NWD2: variants seen among roughly 807,000 people sequenced by gnomAD.
NWD2 encodes the protein NACHT and WD repeat domain-containing protein 2.
In NWD2, 37 loss-of-function variants were observed where a neutral mutation model predicts 132.7. That is an observed-to-expected ratio of 0.28 (90% CI 0.21 to 0.37). The LOEUF (loss-of-function observed/expected upper bound fraction) is 0.37. NWD2 is among the 10% of genes least tolerant of loss of function. The pLI is 1.00. For missense variants in NWD2, 1,592 were observed against 2,122.4 expected (o/e 0.75, Z 4.91); for synonymous variants, 705 against 803.0 (o/e 0.88, Z 2.06).
intron 3 of NWD2, among the ~76,000 whole-genome samples, chr4:37,384,344 C>T (rs900067364): frequency 4.6e-5 from 7 of 152,176 alleles, no homozygotes; most frequent in African/African-American, 1.7e-4. Flanking sequence ...TGCGTTCTTC[C>T]TTCATTCCCT....
intron 1 of NWD2, among the ~76,000 whole-genome samples, chr4:37,253,489 C>A (rs1356840137): frequency 6.6e-6 from 1 of 152,140 alleles, no homozygotes; most frequent in East Asian, 1.9e-4. Context: ...AGCAGATGGG[C>A]AGAGATTGTC....
chr4:37,397,617 T>A (rs956461488), intron 3 of NWD2, among the ~76,000 whole-genome samples: 3 of 152,046 alleles, frequency 2.0e-5, no homozygotes, highest in African/African-American at 7.3e-5. Flanking sequence ...CGTTCTGGAG[T>A]GAAGGTGACT....
chr4:37,365,353 A>C (rs6838315), intron 3 of NWD2, among the ~76,000 whole-genome samples: 3,661 of 152,258 alleles, frequency 0.024, 170 homozygotes, highest in African/African-American at 0.083. Flanking sequence ...TGTATCATTT[A>C]GTTCTAACCT....
chr4:37,301,099 G>A (rs1295441376), intron 1 of NWD2, among the ~76,000 whole-genome samples: 1 of 151,938 alleles, frequency 6.6e-6, no homozygotes, highest in Admixed American at 6.6e-5. Context: ...AATTTTGTTG[G>A]TTATTCCAGA....
At chr4:37,279,527 G>A (rs937817018) in intron 1 of NWD2, among the ~76,000 whole-genome samples, 2 of 152,108 alleles carry the variant, frequency 1.3e-5, no homozygotes, top group Non-Finnish European at 2.9e-5. Flanking sequence ...GCAGTGAAAA[G>A]TACTCAAAAG....
intron 3 of NWD2, among the ~76,000 whole-genome samples, chr4:37,406,121 T>A (rs1720997770): frequency 6.6e-6 from 1 of 152,198 alleles, no homozygotes; most frequent in African/African-American, 2.4e-5. Context: ...TTGGAGGTTG[T>A]CATAGTCCCA....
chr4:37,277,145 AAGTC>A (rs1718037419), intron 1 of NWD2, among the ~76,000 whole-genome samples: 1 of 151,692 alleles, frequency 6.6e-6, no homozygotes, highest in African/African-American at 2.4e-5. Context: ...AAAAAAAAAA[AAGTC>A]AGCCATTAAT....
At chr4:37,319,368 A>T (rs911597878) in intron 1 of NWD2, among the ~76,000 whole-genome samples, 1 of 152,152 alleles carries the variant, frequency 6.6e-6, no homozygotes, top group African/African-American at 2.4e-5. Context: ...GAGATTCTGG[A>T]TATTAGACAT....
At position 37,244,917 on chromosome 4, in the gene NWD2, G is replaced by A. The variant is rs1717197333; in HGVS notation, c.-151G>A. The A allele has an allele frequency of 2.0e-6, 2 of 980,406 alleles. No homozygotes were observed. Among genetic ancestry groups the A allele is most frequent in the South Asian group, 1.7e-5 (1 of 57,220 alleles). 60.7% of individuals were successfully genotyped at this position (980,406 alleles called of 1,614,324 possible). A position where few individuals can be genotyped will look rare whatever the true frequency, so the allele number is the denominator to read the frequency against. On this transcript the variant is annotated 5_prime_UTR_variant, in exon 1 of 7. Coordinates refer to ENST00000309447, the MANE Select transcript of NWD2 (RefSeq NM_001144990.2). The surrounding 1 kb of genome is among the most constrained non-coding windows in gnomAD (Gnocchi z 5.5). ...GCCGGCGGGTGCTGTGCGCCACGGA[G>A]CTCGCCAAAGGCGCTTCGGGCTCGG...
intron 3 of NWD2, among the ~76,000 whole-genome samples, chr4:37,395,584 C>CAAAAAAAAAAAAAAAAA (rs1156884728): frequency 1.1e-4 from 2 of 18,284 alleles, no homozygotes; most frequent in Admixed American, 1.0e-3. Flanking sequence ...AACTCTGTCT[C>CAAAAAAAAAAAAAAAAA]AAAAAAAAAA....
intron 1 of NWD2, among the ~76,000 whole-genome samples, chr4:37,288,831 C>T (rs1222057421): frequency 6.6e-6 from 1 of 151,892 alleles, no homozygotes; most frequent in African/African-American, 2.4e-5. Context: ...TTTTTTAAAA[C>T]CAGATCAACT....
chr4:37,341,279 T>C (rs9991358), intron 2 of NWD2, among the ~76,000 whole-genome samples: 1 of 152,260 alleles, frequency 6.6e-6, no homozygotes, highest in Non-Finnish European at 1.5e-5. Context: ...TAGACTAGGC[T>C]AAGCTATGAT....
intron 1 of NWD2, among the ~76,000 whole-genome samples, chr4:37,295,654 CCCATAACTTCGTCT>C (rs1421119657): frequency 2.6e-5 from 4 of 152,168 alleles, no homozygotes; most frequent in Non-Finnish European, 5.9e-5. Context: ...ACCAGTGATT[CCCATAACTTCGTCT>C]CCTACCCTGA....
intron 3 of NWD2, among the ~76,000 whole-genome samples, chr4:37,403,095 C>G (rs1031600549): frequency 6.6e-6 from 1 of 152,114 alleles, no homozygotes; most frequent in Non-Finnish European, 1.5e-5. Flanking sequence ...GAGAAGATTT[C>G]TAAGCCCACA....
chr4:37,266,088 G>A (rs1406042151), intron 1 of NWD2, among the ~76,000 whole-genome samples: 3 of 151,844 alleles, frequency 2.0e-5, no homozygotes, highest in Non-Finnish European at 4.4e-5. Context: ...GTCTTCGTTG[G>A]TGAGTTCTTT....
chr4:37,335,309 G>C (rs1029879087), intron 2 of NWD2, among the ~76,000 whole-genome samples: 4 of 123,550 alleles, frequency 3.2e-5, no homozygotes, highest in African/African-American at 1.2e-4. Flanking sequence ...GCGGGGGGGG[G>C]GGGCTTAAAT....
chr4:37,247,262 A>G (rs1027947080), intron 1 of NWD2, among the ~76,000 whole-genome samples: 18 of 152,186 alleles, frequency 1.2e-4, no homozygotes, highest in African/African-American at 4.3e-4. Flanking sequence ...AATCTTGGTA[A>G]ATGCTCTGTC....
At position 37,256,329 on chromosome 4, in the gene NWD2, C is replaced by A. The variant is rs1044726510; in HGVS notation, c.151+11111C>A. On this transcript the variant is annotated intron_variant, in intron 1 of 6. Coordinates refer to ENST00000309447, the MANE Select transcript of NWD2 (RefSeq NM_001144990.2). Reference sequence around the variant, plus strand: ...TCAGAGGAAAATAAGAAAATTTTTCCCAAGAAATAACTGGTGAGAAATTCC... The same window carrying A: ...TCAGAGGAAAATAAGAAAATTTTTCACAAGAAATAACTGGTGAGAAATTCC... Among the ~76,000 whole-genome samples the A allele has an allele frequency of 3.9e-5, 6 of 152,132 alleles. No individual in the cohort carries two copies. In the South Asian group the frequency reaches 1.2e-3, roughly 32 times the overall value.
intron 1 of NWD2, among the ~76,000 whole-genome samples, chr4:37,292,354 G>A (rs1015256271): frequency 1.3e-5 from 2 of 152,160 alleles, no homozygotes; most frequent in African/African-American, 4.8e-5. Context: ...ATGAAAAAAG[G>A]TTGAAGGGAC....
Sources: allele counts gnomAD v4.1 joint callset (sites outside exome capture counted in the v4.1 genomes callset), GRCh38; gene constraint gnomAD v4.1.1; non-coding constraint Gnocchi (gnomAD v3.1); transcripts MANE v1.5; gene names NCBI Gene and HGNC (gene_info 2026-07-23, HGNC 2026-07-21).